The following SLC1A2 variants were observed in gnomAD, a reference collection of about 807,000 sequenced individuals.
SLC1A2 encodes the protein solute carrier family 1 member 2, also known as excitatory amino acid transporter 2.
A neutral mutation model predicts 48.8 loss-of-function variants in SLC1A2; 15 were observed. The ratio of observed to expected loss-of-function variants is 0.31; its 90% CI spans 0.21 to 0.47. The LOEUF (loss-of-function observed/expected upper bound fraction) is 0.47. SLC1A2 is among the 20% of genes least tolerant of loss of function. The pLI is 0.99. For synonymous variants in SLC1A2, 279 were observed against 272.6 expected, an observed-to-expected ratio of 1.02 and a Z score of -0.23; for missense variants, 502 against 730.5, an observed-to-expected ratio of 0.69 and a Z score of 3.61.
At chr11:35,300,380 A>G (rs565208813) in intron 6 of SLC1A2, among the ~76,000 whole-genome samples, 1 of 152,330 alleles carries the variant, frequency 6.6e-6, no homozygotes, top group East Asian at 1.9e-4. Context: ...TTATGTTGAA[A>G]CTTAATTCCC....
chr11:35,309,657 T>C (rs1038907210), intron 4 of SLC1A2, among the ~76,000 whole-genome samples: 2 of 152,200 alleles, frequency 1.3e-5, no homozygotes, highest in African/African-American at 4.8e-5. Flanking sequence ...AGGAGCCTCC[T>C]CCACTCAAGA....
rs1310805770 is a variant in SLC1A2, at chr11:35,419,086, C to A, written c.-120G>T. On this transcript the variant is annotated 5_prime_UTR_variant, in exon 1 of 11. Coordinates refer to ENST00000278379, the MANE Select transcript of SLC1A2 (RefSeq NM_004171.4). The surrounding 1 kb of genome is among the most constrained non-coding windows in gnomAD (Gnocchi z 5.4). ...GCGGTATTTAAGAGGAGCCTCTGCC[C>A]GCCCTTCCACCCGCCTCCGGGGTAA... 2.5e-6 allele frequency: 2 copies of A among 813,650 alleles called. No individual in the cohort carries two copies. The highest frequency in any genetic ancestry group is 6.3e-5 in the East Asian group (2 of 31,758). The allele number at this position is 813,650 out of a possible 1,614,324, so 50.4% of individuals were successfully genotyped here.
Position 35,419,083 on chromosome 11 carries a change from G to A in SLC1A2, c.-117C>T. The stretch of plus-strand genomic sequence containing the variant: ...GGAGCGGTATTTAAGAGGAGCCTCT[G>A]CCCGCCCTTCCACCCGCCTCCGGGG... On this transcript the variant is annotated 5_prime_UTR_variant, in exon 1 of 11. Transcript: ENST00000278379. This position sits in a 1 kb window ranked among gnomAD's most constrained non-coding sequence, Gnocchi z 5.4. The A allele has an allele frequency of 1.2e-6, 1 of 867,092 alleles. No individual in the cohort carries two copies. The highest frequency in any genetic ancestry group is 1.8e-6 in the Non-Finnish European group (1 of 569,286). 53.7% of individuals were successfully genotyped at this position (867,092 alleles called of 1,614,324 possible).
At chr11:35,379,716 C>T (rs935136601) in intron 1 of SLC1A2, among the ~76,000 whole-genome samples, 1 of 152,230 alleles carries the variant, frequency 6.6e-6, no homozygotes, top group Non-Finnish European at 1.5e-5. Context: ...CAAGAACTTA[C>T]TTATGCTTAT....
intron 8 of SLC1A2, among the ~76,000 whole-genome samples, chr11:35,284,879 G>A (rs1850761399): frequency 6.6e-6 from 1 of 152,188 alleles, no homozygotes; most frequent in Non-Finnish European, 1.5e-5. Flanking sequence ...AAAAGCCTGA[G>A]CATGTAGAGA....
intron 1 of SLC1A2, among the ~76,000 whole-genome samples, chr11:35,341,832 A>G (rs949092874): frequency 1.3e-5 from 2 of 152,262 alleles, no homozygotes; most frequent in Non-Finnish European, 2.9e-5. Context: ...AGAATTGTTT[A>G]TAAAAGTAAA....
intron 9 of SLC1A2, among the ~76,000 whole-genome samples, chr11:35,276,478 C>G (rs779596541): frequency 2.0e-5 from 3 of 152,122 alleles, no homozygotes; most frequent in African/African-American, 2.4e-5. Context: ...TCAGCCAACT[C>G]CCTTCTGCTG....
At chr11:35,420,031 T>C (rs1590302733), upstream of SLC1A2, 2 of 410,494 alleles carry the variant, frequency 4.9e-6, no homozygotes, top group South Asian at 3.5e-5. Flanking sequence ...CTGCGCTCCC[T>C]CCCCCGCCGA....
chr11:35,353,515 A>G (rs1201115647), intron 1 of SLC1A2, among the ~76,000 whole-genome samples: 1 of 152,210 alleles, frequency 6.6e-6, no homozygotes, highest in African/African-American at 2.4e-5. Flanking sequence ...TTGTTTCCTC[A>G]CTGCTAAATC....
Position 35,415,418 on chromosome 11 carries a change from C to A in SLC1A2, c.17+3532G>T, listed in dbSNP as rs77484066. ...GGTTTTCTCATAGCTCTACTAATATCTATTTTCCCCAAGGAGGCTGATTTC... is the reference window on the plus strand; with the variant it reads ...GGTTTTCTCATAGCTCTACTAATATATATTTTCCCCAAGGAGGCTGATTTC... On this transcript the variant is annotated intron_variant, in intron 1 of 10. Coordinates refer to ENST00000278379, the MANE Select transcript of SLC1A2 (RefSeq NM_004171.4). Among the ~76,000 whole-genome samples, 513 of 152,342 alleles carry A rather than the reference C, an allele frequency of 3.4e-3. 2 individuals are homozygous for A. The highest frequency in any genetic ancestry group is 5.7e-3 in the Non-Finnish European group (391 of 68,036).
At chr11:35,336,539 CA>C (rs1015548148) in intron 1 of SLC1A2, among the ~76,000 whole-genome samples, 2 of 152,096 alleles carry the variant, frequency 1.3e-5, no homozygotes, top group African/African-American at 4.8e-5. Context: ...TTGATCCTCA[CA>C]ACAACAATTC....
intron 1 of SLC1A2, among the ~76,000 whole-genome samples, chr11:35,385,572 G>C (rs1854562301): frequency 2.0e-5 from 3 of 152,176 alleles, no homozygotes; most frequent in Admixed American, 1.3e-4. Flanking sequence ...TTTGGGACCT[G>C]TAAGTTATCT....
chr11:35,329,059 T>C (rs1852340942), intron 1 of SLC1A2, among the ~76,000 whole-genome samples: 1 of 152,192 alleles, frequency 6.6e-6, no homozygotes, highest in Non-Finnish European at 1.5e-5. Context: ...TGCAATATTA[T>C]TCAGCACTGA....
chr11:35,259,414 C>T lies in SLC1A2; in HGVS notation c.*1480G>A, dbSNP rs1797966593. 6.6e-6 allele frequency: 1 copy of T among 152,572 alleles called. No individual in the cohort carries two copies. Among genetic ancestry groups the T allele is most frequent in the Admixed American group, 6.5e-5 (1 of 15,268 alleles). 9.5% of individuals were successfully genotyped at this position (152,572 alleles called of 1,614,324 possible). ...CCAAGCTTACTCCCAAACCCAGCAA[C>T]CTTAGGAAAATACTGTGCGTTATTC... On this transcript the variant is annotated 3_prime_UTR_variant, in exon 11 of 11. Coordinates refer to ENST00000278379, the MANE Select transcript of SLC1A2 (RefSeq NM_004171.4).
At chr11:35,366,343 T>C (rs1157312972) in intron 1 of SLC1A2, among the ~76,000 whole-genome samples, 2 of 152,172 alleles carry the variant, frequency 1.3e-5, no homozygotes, top group East Asian at 1.9e-4. Flanking sequence ...CTAGCATCTA[T>C]CTCTTTGTCT....
intron 9 of SLC1A2, among the ~76,000 whole-genome samples, chr11:35,274,006 T>G (rs1437460987): frequency 1.3e-5 from 2 of 152,244 alleles, no homozygotes; most frequent in South Asian, 2.1e-4. Flanking sequence ...GGGGAAATAT[T>G]CAAAGATGGA....
At chr11:35,380,876 TAAAG>T (rs1716033303) in intron 1 of SLC1A2, among the ~76,000 whole-genome samples, 1 of 152,118 alleles carries the variant, frequency 6.6e-6, no homozygotes, top group South Asian at 2.1e-4. Context: ...ACCCTGGGCT[TAAAG>T]AAACAGGATT....
chr11:35,419,409 T>G lies in SLC1A2; in HGVS notation c.-443A>C. 1 of 190,452 alleles carries G rather than the reference T, an allele frequency of 5.3e-6. No homozygotes were observed. The allele number at this position is 190,452 out of a possible 1,614,324, so 11.8% of individuals were successfully genotyped here. ...AGAGGACGGTGAGCGTGCGTGCGCG[T>G]GTGCGGGTGTGTGCGCGCCTGGGGA... On this transcript the variant is annotated 5_prime_UTR_variant, in exon 1 of 11. Coordinates refer to ENST00000278379, the MANE Select transcript of SLC1A2 (RefSeq NM_004171.4). The surrounding 1 kb of genome is among the most constrained non-coding windows in gnomAD (Gnocchi z 5.4).
chr11:35,316,575 T>C (rs1851886293), intron 2 of SLC1A2: 1 of 152,110 alleles, frequency 6.6e-6, no homozygotes. Context: ...GGAAAGGCCA[T>C]GGAATGGAGG....
Sources: gnomAD v4.1 joint callset for allele counts (sites outside exome capture counted in the v4.1 genomes callset) on GRCh38, gnomAD v4.1.1 for gene constraint, Gnocchi (gnomAD v3.1) non-coding constraint, MANE v1.5 for transcripts, NCBI Gene and HGNC (gene_info 2026-07-23, HGNC 2026-07-21) for gene names.